Variants in SHROOM3 observed in about 807,000 individuals in gnomAD.
SHROOM3 encodes shroom family member 3.
In SHROOM3, 47 loss-of-function variants were observed where a neutral mutation model predicts 138.6. The observed-to-expected ratio is 0.34, with a 90% CI of 0.27 to 0.43. SHROOM3 has a LOEUF of 0.43. Ranked by LOEUF, SHROOM3 falls within the 20% of genes least tolerant of loss-of-function variation. The pLI, the probability that SHROOM3 is intolerant of heterozygous loss-of-function variation, is 1.00. For synonymous variants in SHROOM3, 1,062 were observed against 1,063.3 expected (o/e 1.00, Z 0.02); for missense variants, 2,491 against 2,596.5 (o/e 0.96, Z 0.88).
chr4:76,739,375 C>A lies in SHROOM3; in HGVS notation c.1202C>A (p.Pro401His), dbSNP rs1721175573. ...SYAAFRHRER[P>H]SSWSSLDQKR... ...GCAGCATTTCGGCACCGTGAGCGGCCCAGCTCCTGGTCTAGCCTTGATCAG... is the reference window on the plus strand; with the variant it reads ...GCAGCATTTCGGCACCGTGAGCGGCACAGCTCCTGGTCTAGCCTTGATCAG... Residue 401 changes from proline to histidine, a missense_variant, in exon 5 of 11, where the codon CCC (proline) becomes CAC (histidine). By Grantham distance (77) the Pro-to-His change is moderately conservative. Coordinates refer to ENST00000296043, the MANE Select transcript of SHROOM3 (RefSeq NM_020859.4). The A allele has an allele frequency of 6.2e-7, 1 of 1,614,016 alleles. No homozygotes were observed. Among genetic ancestry groups the A allele is most frequent in the African/African-American group, 1.3e-5 (1 of 74,942 alleles).
chr4:76,742,816 A>G (rs983165333), intron 5 of SHROOM3, among the ~76,000 whole-genome samples: 3 of 152,252 alleles, frequency 2.0e-5, no homozygotes, highest in East Asian at 3.9e-4. Context: ...ACCTGTTAGC[A>G]CAGGGGAGGA....
At chr4:76,580,446 CTTTTTTTTTTTTT>C (rs869200924) in intron 2 of SHROOM3, among the ~76,000 whole-genome samples, 1 of 88,088 alleles carries the variant, frequency 1.1e-5, no homozygotes, top group East Asian at 3.2e-4. Flanking sequence ...TGGGCAAGTT[CTTTTTTTTTTTTT>C]TTTTTTTTTT....
intron 1 of SHROOM3, among the ~76,000 whole-genome samples, chr4:76,472,927 T>C (rs1731408230): frequency 6.6e-6 from 1 of 152,176 alleles, no homozygotes; most frequent in Admixed American, 6.5e-5. Context: ...ACTCCTGACC[T>C]TGTGATCCGC....
rs200570466 is a variant in SHROOM3 at position 76,741,275 on chromosome 4, G to T, written c.3102G>T (p.Glu1034Asp). 2.5e-5 allele frequency: 41 copies of T among 1,611,910 alleles called. No individual in the cohort carries two copies. Among genetic ancestry groups the T allele is most frequent in the Non-Finnish European group, 3.4e-5 (40 of 1,179,668 alleles). Reference protein sequence around the residue: ...EKMNEVGIVEEAEPAPLGPQR... With the variant: ...EKMNEVGIVEDAEPAPLGPQR... ...TGAACGAGGTGGGGATCGTGGAGGAGGCCGAACCGGCACCCCTGGGCCCGC... is the reference window on the plus strand; with the variant it reads ...TGAACGAGGTGGGGATCGTGGAGGATGCCGAACCGGCACCCCTGGGCCCGC... The change falls in exon 5 of 11, where the codon GAG becomes GAT. Residue 1034 changes from glutamate to aspartate, a missense_variant. Around this residue, in one of 4 missense-constraint regions of SHROOM3, gnomAD observed 1,733 missense variants for 1,661.6 expected, o/e 1.04. Coordinates refer to ENST00000296043, the MANE Select transcript of SHROOM3 (RefSeq NM_020859.4). This position sits in a 1 kb window ranked among gnomAD's most constrained non-coding sequence, Gnocchi z 6.2.
chr4:76,708,188 C>G (rs779169604), intron 2 of SHROOM3, among the ~76,000 whole-genome samples: 2 of 152,130 alleles, frequency 1.3e-5, no homozygotes, highest in African/African-American at 4.8e-5. Context: ...AGGAATCATA[C>G]ATTGAAAATG....
intron 5 of SHROOM3, chr4:76,742,239 TTTG>T (rs1438493262): frequency 2.4e-6 from 1 of 417,032 alleles, no homozygotes; most frequent in Non-Finnish European, 4.4e-6. Flanking sequence ...GATTATCTTT[TTTG>T]TTTTTTGCTT....
chr4:76,644,439 T>G (rs1377898910), intron 2 of SHROOM3: 1 of 147,886 alleles, frequency 6.8e-6, no homozygotes, highest in Admixed American at 6.7e-5. Context: ...TTAGTAGAGA[T>G]AGGGTTTCTC....
intron 6 of SHROOM3, among the ~76,000 whole-genome samples, chr4:76,751,493 A>G (rs1287417571): frequency 2.6e-5 from 4 of 152,208 alleles, no homozygotes; most frequent in African/African-American, 9.6e-5. Context: ...ACAAAGAGAC[A>G]ATAGTTGTCA....
chr4:76,436,782 C>T (rs568030494), intron 1 of SHROOM3, among the ~76,000 whole-genome samples: 5 of 152,250 alleles, frequency 3.3e-5, no homozygotes, highest in Admixed American at 2.6e-4. Flanking sequence ...CCTTTTTAAA[C>T]CTTAGTCATC....
chr4:76,681,253 C>T (rs1373059030), intron 2 of SHROOM3, among the ~76,000 whole-genome samples: 2 of 152,136 alleles, frequency 1.3e-5, no homozygotes, highest in Non-Finnish European at 2.9e-5. Context: ...AGAACCTCTC[C>T]CAAGCATGTC....
At chr4:76,583,660 G>A (rs1159449401) in intron 2 of SHROOM3, among the ~76,000 whole-genome samples, 1 of 152,148 alleles carries the variant, frequency 6.6e-6, no homozygotes, top group Admixed American at 6.5e-5. Flanking sequence ...GCTGCTTGCT[G>A]GCTGTAAAAT....
chr4:76,548,057 C>A (rs1443447409), intron 1 of SHROOM3, among the ~76,000 whole-genome samples: 1 of 148,952 alleles, frequency 6.7e-6, no homozygotes, highest in Non-Finnish European at 1.5e-5. Context: ...AGGAAAGGCC[C>A]CCTCTGGAAG....
At chr4:76,575,259 G>GA (rs980554824) in intron 2 of SHROOM3, among the ~76,000 whole-genome samples, 2 of 151,998 alleles carry the variant, frequency 1.3e-5, no homozygotes, top group African/African-American at 4.8e-5. Context: ...CACTGAATGG[G>GA]AAAAAAATTG....
chr4:76,646,128 G>A (rs532536146), intron 2 of SHROOM3, among the ~76,000 whole-genome samples: 1 of 150,924 alleles, frequency 6.6e-6, no homozygotes, highest in African/African-American at 2.4e-5. Context: ...TAAACGATGA[G>A]TTAACGGGTG....
chr4:76,527,071 CT>C (rs908047955), intron 1 of SHROOM3, among the ~76,000 whole-genome samples: 6 of 152,214 alleles, frequency 3.9e-5, no homozygotes, highest in Admixed American at 1.3e-4. Context: ...TTCTTTCACA[CT>C]CTCCCTTTCT....
intron 1 of SHROOM3, among the ~76,000 whole-genome samples, chr4:76,488,507 T>C (rs961709760): frequency 1.3e-5 from 2 of 152,238 alleles, no homozygotes; most frequent in African/African-American, 4.8e-5. Flanking sequence ...TGGACTTCTC[T>C]TTAAGCAAGG....
chr4:76,614,510 A>C (rs1393069023), intron 2 of SHROOM3, among the ~76,000 whole-genome samples: 5 of 152,078 alleles, frequency 3.3e-5, no homozygotes, highest in Non-Finnish European at 7.4e-5. Context: ...TTTGGGATAC[A>C]TGTGCAGAAT....
intron 2 of SHROOM3, among the ~76,000 whole-genome samples, chr4:76,643,127 T>C (rs911100057): frequency 2.0e-5 from 3 of 151,020 alleles, no homozygotes; most frequent in Non-Finnish European, 2.9e-5. Flanking sequence ...GGCAGGAGAA[T>C]TGCTTGAACC....
intron 6 of SHROOM3, among the ~76,000 whole-genome samples, chr4:76,751,931 A>G (rs1426096230): frequency 6.6e-6 from 1 of 152,224 alleles, no homozygotes; most frequent in African/African-American, 2.4e-5. Context: ...TAGAACTACC[A>G]TATGATCTGG....
Sources: allele counts gnomAD v4.1 joint callset (sites outside exome capture counted in the v4.1 genomes callset), GRCh38; gene constraint gnomAD v4.1.1; regional missense constraint gnomAD v4.1.1; non-coding constraint Gnocchi (gnomAD v3.1); transcripts MANE v1.5; gene names NCBI Gene and HGNC (gene_info 2026-07-23, HGNC 2026-07-21).